The following RNF130 variants were observed in gnomAD, a reference collection of about 807,000 sequenced individuals.
RNF130 encodes E3 ubiquitin-protein ligase RNF130.
A neutral mutation model predicts 44.6 loss-of-function variants in RNF130; 21 were observed. That is an observed-to-expected ratio of 0.47 (90% CI 0.33 to 0.68). RNF130 has a LOEUF of 0.68. Among genes scored for constraint, RNF130 ranks in the 30% least tolerant of loss-of-function variants. The probability of loss-of-function intolerance (pLI) is 0.02; values close to 1 mark genes in which losing one functional copy is unlikely to be tolerated. For missense variants in RNF130, 479 were observed against 560.6 expected (o/e 0.85, Z 1.47); for synonymous variants, 214 against 210.4 (o/e 1.02, Z -0.15).
chr5:180,027,946 C>T (rs977634404), intron 2 of RNF130, among the ~76,000 whole-genome samples: 5 of 152,232 alleles, frequency 3.3e-5, no homozygotes, highest in African/African-American at 4.8e-5. Flanking sequence ...TCAACCTCAT[C>T]GAGACCACGC....
rs1763602562 is a variant in RNF130, at chr5:180,011,828, A to C, written c.693+1233T>G. 2.6e-5 allele frequency among the ~76,000 whole-genome samples: 4 copies of C among 152,308 alleles called. No homozygotes were observed. The South Asian group carries it at 6.2e-4, about 24-fold the overall frequency. On this transcript the variant is annotated intron_variant, in intron 3 of 8. Coordinates refer to ENST00000521389, the MANE Select transcript of RNF130 (RefSeq NM_018434.6). ...TTACATAGAAAAGGAAATACAGTAA[A>C]ACATTAACAGCTGTAGCATCTGAGT...
At chr5:179,993,740 T>C (rs1319419430) in intron 3 of RNF130, among the ~76,000 whole-genome samples, 2 of 152,236 alleles carry the variant, frequency 1.3e-5, no homozygotes, top group Admixed American at 1.3e-4. Context: ...TTAGATCCCA[T>C]TTGTCAATTT....
chr5:180,053,136 G>A (rs964426967), intron 1 of RNF130, among the ~76,000 whole-genome samples: 3 of 152,082 alleles, frequency 2.0e-5, no homozygotes, highest in Admixed American at 6.6e-5. Context: ...TGGCCAAATG[G>A]AGTAAAGATA....
At chr5:180,061,003 G>A (rs1005842617) in intron 1 of RNF130, among the ~76,000 whole-genome samples, 3 of 149,796 alleles carry the variant, frequency 2.0e-5, no homozygotes, top group African/African-American at 5.0e-5. Context: ...CCGGGGGGGC[G>A]GAGCCTGCAG....
intron 7 of RNF130, among the ~76,000 whole-genome samples, chr5:179,928,686 T>C (rs1582124668): frequency 6.6e-6 from 1 of 151,630 alleles, no homozygotes; most frequent in East Asian, 1.9e-4. Context: ...TGGAGTGCAG[T>C]GGTGCGATCT....
chr5:179,955,480 T>G lies in RNF130; in HGVS notation c.*174A>C, dbSNP rs1762192381. On this transcript the variant is annotated 3_prime_UTR_variant, in exon 9 of 9. Coordinates refer to ENST00000521389, the MANE Select transcript of RNF130 (RefSeq NM_018434.6). ...GTTAATAAGACTCAACAGCACAGAC[T>G]TTTTATTTTATTATTTATTTCTTTT... 3 of 550,766 alleles carry G rather than the reference T, an allele frequency of 5.4e-6. No individual in the cohort carries two copies. The South Asian group carries it at 1.1e-4, about 21-fold the overall frequency. 34.1% of individuals were successfully genotyped at this position (550,766 alleles called of 1,614,324 possible).
chr5:180,013,751 C>CT (rs1486596832), intron 2 of RNF130, among the ~76,000 whole-genome samples: 1 of 152,158 alleles, frequency 6.6e-6, no homozygotes, highest in African/African-American at 2.4e-5. Flanking sequence ...GAGTAAAGTG[C>CT]TGTTTTTATA....
intron 7 of RNF130, among the ~76,000 whole-genome samples, chr5:179,946,789 C>T (rs954837681): frequency 6.6e-6 from 1 of 152,120 alleles, no homozygotes; most frequent in Non-Finnish European, 1.5e-5. Context: ...CTCCTGACCT[C>T]GTGATCCACC....
chr5:179,998,075 C>T (rs1200746649), intron 3 of RNF130, among the ~76,000 whole-genome samples: 1 of 150,314 alleles, frequency 6.7e-6, no homozygotes, highest in South Asian at 2.1e-4. Flanking sequence ...CTCTTGACCT[C>T]GTGATCCGCC....
intron 2 of RNF130, among the ~76,000 whole-genome samples, chr5:180,017,412 T>A (rs1039123692): frequency 2.6e-5 from 4 of 152,182 alleles, no homozygotes; most frequent in Admixed American, 1.3e-4. Flanking sequence ...TAATAAGCAA[T>A]CTGTGGGCTG....
intron 7 of RNF130, among the ~76,000 whole-genome samples, chr5:179,932,797 C>T (rs1408434661): frequency 6.6e-6 from 1 of 152,024 alleles, no homozygotes; most frequent in Non-Finnish European, 1.5e-5. Flanking sequence ...GATTGTACCA[C>T]TGCACTCCAG....
At chr5:180,022,594 T>C (rs529657333) in intron 2 of RNF130, among the ~76,000 whole-genome samples, 6 of 152,200 alleles carry the variant, frequency 3.9e-5, no homozygotes, top group South Asian at 4.1e-4. Flanking sequence ...AATGTAATGT[T>C]TGGAAGCCAC....
chr5:179,954,209 A>G (rs559909870), downstream of RNF130, among the ~76,000 whole-genome samples: 1 of 152,346 alleles, frequency 6.6e-6, no homozygotes, highest in Admixed American at 6.5e-5. Context: ...AGTTAAACAT[A>G]GAGTTATAAC....
At chr5:179,911,950 G>T (rs1027994436) in exon 8 of RNF130, 1 of 152,184 alleles carries the variant, frequency 6.6e-6, no homozygotes. Context: ...AATATTGACT[G>T]TTCTTTCTGG....
chr5:179,994,464 T>A (rs1763158658), intron 3 of RNF130, among the ~76,000 whole-genome samples: 1 of 152,224 alleles, frequency 6.6e-6, no homozygotes, highest in Non-Finnish European at 1.5e-5. Context: ...TTTACTCTCT[T>A]TGAAGCAATT....
intron 3 of RNF130, among the ~76,000 whole-genome samples, chr5:179,990,941 A>G (rs1256564237): frequency 6.6e-6 from 1 of 152,192 alleles, no homozygotes; most frequent in South Asian, 2.1e-4. Context: ...ATCTAGTATA[A>G]TTCTTGTTAT....
chr5:180,045,128 C>T (rs977942852), intron 1 of RNF130, among the ~76,000 whole-genome samples: 4 of 152,144 alleles, frequency 2.6e-5, no homozygotes, highest in Admixed American at 6.5e-5. Context: ...GAGCCTACAA[C>T]ACTATACAAA....
Position 179,981,817 on chromosome 5 carries a change from G to A in RNF130, c.694-1617C>T, listed in dbSNP as rs149023737. Among the ~76,000 whole-genome samples the A allele has an allele frequency of 8.9e-4, 135 of 152,294 alleles. No individual in the cohort carries two copies. In the Middle Eastern group the frequency reaches 0.014, roughly 15 times the overall value. On this transcript the variant is annotated intron_variant, in intron 3 of 8. Transcript: ENST00000521389. ...TCCACACACTGCGTGTGGCTGCTCCGTCTTTGAAGCCTAATCTATGAGTCC... is the reference window on the plus strand; with the variant it reads ...TCCACACACTGCGTGTGGCTGCTCCATCTTTGAAGCCTAATCTATGAGTCC...
exon 8 of RNF130, chr5:179,916,409 A>C (rs1411665532): frequency 1.3e-5 from 2 of 152,260 alleles, no homozygotes. Context: ...AATTTGATTT[A>C]GCGTGTAGCT....
Sources: gnomAD v4.1 joint callset for allele counts (sites outside exome capture counted in the v4.1 genomes callset) on GRCh38, gnomAD v4.1.1 for gene constraint, MANE v1.5 for transcripts, NCBI Gene and HGNC (gene_info 2026-07-23, HGNC 2026-07-21) for gene names.